Variants in ARIH1 observed in about 807,000 individuals in gnomAD.
The protein encoded by ARIH1 is ariadne RBR E3 ubiquitin protein ligase 1.
Under a neutral mutation model 85.0 loss-of-function variants are expected in ARIH1, and 8 were observed. The ratio of observed to expected loss-of-function variants is 0.09; its 90% CI spans 0.06 to 0.17. The LOEUF (loss-of-function observed/expected upper bound fraction) is 0.17. Among genes scored for constraint, ARIH1 ranks in the 10% least tolerant of loss-of-function variants. The pLI is 1.00. For missense variants in ARIH1, 311 were observed against 718.1 expected (o/e 0.43, Z 6.48); for synonymous variants, 238 against 253.6 (o/e 0.94, Z 0.59).
In ARIH1 at chr15:72,566,545, C is replaced by CT. The variant is rs769736162; in HGVS notation, c.912-15dup. On this transcript the variant is annotated splice_polypyrimidine_tract_variant and intron_variant, in intron 7 of 13. Coordinates refer to ENST00000379887, the MANE Select transcript of ARIH1 (RefSeq NM_005744.5). ...TAGGTAGGCCTTAATTCTATTAACTCTTTGTGTCACTTAACAGCTTTAACT... is the reference window on the plus strand; with the variant it reads ...TAGGTAGGCCTTAATTCTATTAACTCTTTTGTGTCACTTAACAGCTTTAACT... 4 of 1,608,354 alleles carry CT rather than the reference C, an allele frequency of 2.5e-6. No individual in the cohort carries two copies. The South Asian group carries it at 4.4e-5, about 18-fold the overall frequency.
At chr15:72,564,631 TTCTG>T (rs1462924603) in intron 7 of ARIH1, among the ~76,000 whole-genome samples, 2 of 152,208 alleles carry the variant, frequency 1.3e-5, no homozygotes, top group Non-Finnish European at 2.9e-5. Context: ...TGGTACCATT[TTCTG>T]TCTTAATGTT....
intron 2 of ARIH1, among the ~76,000 whole-genome samples, chr15:72,520,486 T>G (rs943072776): frequency 1.3e-5 from 2 of 152,106 alleles, no homozygotes; most frequent in Admixed American, 6.5e-5. Context: ...ATGAAAAAAC[T>G]ATTATCTTTT....
intron 9 of ARIH1, among the ~76,000 whole-genome samples, chr15:72,567,565 A>AT (rs1015485450): frequency 6.6e-6 from 1 of 152,256 alleles, no homozygotes; most frequent in East Asian, 1.9e-4. Flanking sequence ...TTTGTTTCTA[A>AT]TTTTTTGTTT....
chr15:72,549,555 C>A (rs1406170553), intron 3 of ARIH1, among the ~76,000 whole-genome samples: 1 of 152,134 alleles, frequency 6.6e-6, no homozygotes. Context: ...CTTGAAAATA[C>A]CTACGTCCCA....
intron 1 of ARIH1, among the ~76,000 whole-genome samples, chr15:72,504,103 G>T (rs2063914630): frequency 6.6e-6 from 1 of 152,170 alleles, no homozygotes; most frequent in African/African-American, 2.4e-5. Context: ...CGCCCAGGCT[G>T]GAGTGCAGTG....
At chr15:72,526,291 G>C (rs2064027888) in intron 2 of ARIH1, among the ~76,000 whole-genome samples, 1 of 152,096 alleles carries the variant, frequency 6.6e-6, no homozygotes, top group Non-Finnish European at 1.5e-5. Flanking sequence ...CTGCCCTGGA[G>C]GGAGGTGCCC....
At position 72,589,252 on chromosome 15, in the gene ARIH1, T is replaced by G. The variant is rs1447034355; in HGVS notation, c.*5960T>G. On this transcript the variant is annotated 3_prime_UTR_variant, in exon 14 of 14. Transcript: ENST00000379887. Reference sequence around the variant, plus strand: ...ACACATTGAGTGTATAACAGGGCCATGCTTGTCTGATTCCATATGTTCATT... The same window carrying G: ...ACACATTGAGTGTATAACAGGGCCAGGCTTGTCTGATTCCATATGTTCATT... The G allele has an allele frequency of 1.3e-5, 2 of 152,238 alleles. No homozygotes were observed. Among genetic ancestry groups the G allele is most frequent in the Non-Finnish European group, 2.9e-5 (2 of 68,046 alleles). The allele number at this position is 152,238 out of a possible 1,614,324, so 9.4% of individuals were successfully genotyped here. A position where few individuals can be genotyped will look rare whatever the true frequency, so the allele number is the denominator to read the frequency against.
intron 1 of ARIH1, among the ~76,000 whole-genome samples, chr15:72,515,768 C>T (rs1162738676): frequency 6.6e-6 from 1 of 152,146 alleles, no homozygotes; most frequent in African/African-American, 2.4e-5. Flanking sequence ...ATTGTGAAAG[C>T]CTCCCTTACA....
intron 1 of ARIH1, among the ~76,000 whole-genome samples, chr15:72,483,214 T>C (rs1023905290): frequency 2.0e-5 from 3 of 152,212 alleles, no homozygotes; most frequent in Admixed American, 2.0e-4. Flanking sequence ...CCGAGCTCAC[T>C]CATTTGGCTG....
chr15:72,534,511 A>G (rs996606605), intron 2 of ARIH1, among the ~76,000 whole-genome samples: 1 of 152,232 alleles, frequency 6.6e-6, no homozygotes, highest in Non-Finnish European at 1.5e-5. Context: ...GATCAGTCTT[A>G]AAGGGAAGGT....
At chr15:72,519,103 A>G (rs922496856) in intron 2 of ARIH1, among the ~76,000 whole-genome samples, 1 of 152,146 alleles carries the variant, frequency 6.6e-6, no homozygotes, top group Non-Finnish European at 1.5e-5. Context: ...ACACTTGTTA[A>G]TGGTGAGGTT....
intron 2 of ARIH1, among the ~76,000 whole-genome samples, chr15:72,530,643 A>G (rs910707085): frequency 1.3e-5 from 2 of 152,206 alleles, no homozygotes; most frequent in Non-Finnish European, 2.9e-5. Context: ...GGAACTTAAG[A>G]TACTGGAATT....
At chr15:72,553,108 C>T (rs894418171) in intron 3 of ARIH1, among the ~76,000 whole-genome samples, 4 of 152,112 alleles carry the variant, frequency 2.6e-5, no homozygotes, top group Non-Finnish European at 5.9e-5. Flanking sequence ...AAACTCTGAA[C>T]TTGTACTGTT....
rs568903226 is a variant in ARIH1 at position 72,514,439 on chromosome 15, C to T, written c.376-3628C>T. Among the ~76,000 whole-genome samples, 192 of 152,206 alleles carry T rather than the reference C, an allele frequency of 1.3e-3. 1 individual carries two copies. The highest frequency in any genetic ancestry group is 4.5e-3 in the African/African-American group (186 of 41,534). On this transcript the variant is annotated intron_variant, in intron 1 of 13. Transcript: ENST00000379887. ...CTCTTTCTTTTTTGAGAATTTCAGA[C>T]CGGGCTCTGTAATCCCAGCACTTTG... is the stretch of plus-strand genomic sequence containing the variant.
At position 72,597,628 on chromosome 15, in the gene ARIH1, TGCCCTTGGGAGAAGTCAA is replaced by T. The variant is rs2064368111; in HGVS notation, c.*14339_*14356del. On this transcript the variant is annotated 3_prime_UTR_variant, in exon 14 of 14. Transcript: ENST00000379887. ...CCCCTTTCATTTTTAAAGGGTATTT[TGCCCTTGGGAGAAGTCAA>T]GCTCTCTCAGCGTTCCTTCTATTAT... The T allele has an allele frequency of 6.6e-6, 1 of 152,142 alleles. No homozygotes were observed. The highest frequency in any genetic ancestry group is 1.5e-5 in the Non-Finnish European group (1 of 68,034). The allele number at this position is 152,142 out of a possible 1,614,324, so 9.4% of individuals were successfully genotyped here.
intron 1 of ARIH1, among the ~76,000 whole-genome samples, chr15:72,476,633 A>G (rs2063796195): frequency 6.6e-6 from 1 of 152,208 alleles, no homozygotes; most frequent in South Asian, 2.1e-4. Flanking sequence ...AAAGCGCTGG[A>G]TTACAGGCGT....
At chr15:72,558,906 C>T (rs1457166646) in intron 5 of ARIH1, among the ~76,000 whole-genome samples, 1 of 152,144 alleles carries the variant, frequency 6.6e-6, no homozygotes, top group Non-Finnish European at 1.5e-5. Flanking sequence ...ATGGGTAATA[C>T]ATGTGTAAAT....
chr15:72,561,275 T>A (rs1214486519), intron 5 of ARIH1, among the ~76,000 whole-genome samples: 1 of 152,168 alleles, frequency 6.6e-6, no homozygotes, highest in African/African-American at 2.4e-5. Context: ...GGAAAAAAAG[T>A]CTATGAAAAT....
At position 72,601,813 on chromosome 15, in the gene ARIH1, T is replaced by C. The variant is rs2064383143; in HGVS notation, c.*18521T>C. On this transcript the variant is annotated 3_prime_UTR_variant, in exon 14 of 14. Transcript: ENST00000379887. ...TAAAGGTATAGAGTAAAAAGTCTTC[T>C]CTTCCCTGTCCCCCCGCTACCCAGT... is the stretch of plus-strand genomic sequence containing the variant. The C allele has an allele frequency of 6.6e-6, 1 of 152,216 alleles. No individual in the cohort carries two copies. The highest frequency in any genetic ancestry group is 6.5e-5 in the Admixed American group (1 of 15,282). The allele number at this position is 152,216 out of a possible 1,614,324, so 9.4% of individuals were successfully genotyped here. A position where few individuals can be genotyped will look rare whatever the true frequency, so the allele number is the denominator to read the frequency against.
Sources: allele counts gnomAD v4.1 joint callset (sites outside exome capture counted in the v4.1 genomes callset), GRCh38; gene constraint gnomAD v4.1.1; transcripts MANE v1.5; gene names NCBI Gene and HGNC (gene_info 2026-07-23, HGNC 2026-07-21).